DOCK9: variants seen among roughly 807,000 people sequenced by gnomAD.
The protein encoded by DOCK9 is dedicator of cytokinesis protein 9.
A neutral mutation model predicts 263.3 loss-of-function variants in DOCK9; 89 were observed. That is an observed-to-expected ratio of 0.34 (90% confidence interval 0.28 to 0.40). DOCK9 has a LOEUF of 0.40. Among genes scored for constraint, DOCK9 ranks in the 10% least tolerant of loss-of-function variants. DOCK9 has a pLI of 1.00. For missense variants in DOCK9, 2,140 were observed against 2,603.4 expected (o/e 0.82, Z 3.87); for synonymous variants, 976 against 973.1 (o/e 1.00, Z -0.06).
intron 45 of DOCK9, among the ~76,000 whole-genome samples, chr13:98,822,773 T>C (rs1377860654): frequency 2.0e-5 from 3 of 152,218 alleles, no homozygotes; most frequent in Admixed American, 6.5e-5. Context: ...ATCTATTTCT[T>C]TTTTTGTAGG....
At chr13:98,997,326 A>G (rs1881288482) in intron 1 of DOCK9, among the ~76,000 whole-genome samples, 1 of 152,226 alleles carries the variant, frequency 6.6e-6, no homozygotes, top group Non-Finnish European at 1.5e-5. Context: ...AGAGGCAAAC[A>G]ATAAGAAAAC....
chr13:98,967,000 C>A (rs930088535), intron 1 of DOCK9, among the ~76,000 whole-genome samples: 1 of 152,240 alleles, frequency 6.6e-6, no homozygotes, highest in Non-Finnish European at 1.5e-5. Flanking sequence ...TCTGTGTTAA[C>A]AAGCCCTTCA....
chr13:98,855,772 G>A, intron 34 of DOCK9, 126 bp downstream of exon 34: 2 of 1,115,144 alleles, frequency 1.8e-6, no homozygotes, highest in South Asian at 3.0e-5. Flanking sequence ...CCTACTCCAG[G>A]TCAGCCGGGT....
At chr13:99,053,286 G>A (rs2040784724) in intron 1 of DOCK9, among the ~76,000 whole-genome samples, 1 of 152,122 alleles carries the variant, frequency 6.6e-6, no homozygotes, top group African/African-American at 2.4e-5. Flanking sequence ...CAAATTTGCA[G>A]GAGAGCAAAG....
intron 1 of DOCK9, among the ~76,000 whole-genome samples, chr13:98,960,362 C>T (rs1469690180): frequency 6.6e-6 from 1 of 152,176 alleles, no homozygotes; most frequent in African/African-American, 2.4e-5. Context: ...GCCTGGCTGA[C>T]TCCCAAGCCT....
At position 98,896,545 on chromosome 13, in the gene DOCK9, C is replaced by T. The variant is rs2047470322; in HGVS notation, c.1709+943G>A. ...CATAGAATAGTTAGCATTTGGCTCT[C>T]AGCTATTCTTTTCACTTCACATCTT... On this transcript the variant is annotated intron_variant, in intron 15 of 52. Transcript: ENST00000682017. Among the ~76,000 whole-genome samples the T allele has an allele frequency of 4.6e-5, 7 of 151,984 alleles. 1 individual carries two copies. In the Middle Eastern group the frequency reaches 0.014, roughly 295 times the overall value.
At chr13:98,906,012 C>A (rs1383186306) in intron 9 of DOCK9, among the ~76,000 whole-genome samples, 1 of 152,182 alleles carries the variant, frequency 6.6e-6, no homozygotes, top group Admixed American at 6.5e-5. Context: ...CTAGCTTGGG[C>A]AGCCTGCTGA....
At chr13:98,933,474 A>G (rs1222054548) in intron 2 of DOCK9, among the ~76,000 whole-genome samples, 3 of 152,212 alleles carry the variant, frequency 2.0e-5, no homozygotes, top group African/African-American at 7.2e-5. Flanking sequence ...TTTAACAGAT[A>G]AGATAGCATG....
At chr13:98,892,295 A>C (rs1165331925) in intron 15 of DOCK9, among the ~76,000 whole-genome samples, 1 of 152,124 alleles carries the variant, frequency 6.6e-6, no homozygotes, top group Admixed American at 6.6e-5. Flanking sequence ...GGTATCATCA[A>C]CTAGCAGTCC....
intron 1 of DOCK9, among the ~76,000 whole-genome samples, chr13:99,019,090 A>C (rs1301733645): frequency 6.6e-6 from 1 of 152,132 alleles, no homozygotes; most frequent in Non-Finnish European, 1.5e-5. Context: ...CCACTACACG[A>C]ATGGCCCGAA....
At chr13:98,853,306 A>C (rs1199230072) in intron 35 of DOCK9, 102 bp downstream of exon 35, 4 of 716,928 alleles carry the variant, frequency 5.6e-6, no homozygotes, top group African/African-American at 5.4e-5. Context: ...TAAACAAGAA[A>C]ATCCTTTGAA....
rs376869862 is a variant in DOCK9 at position 99,006,360 on chromosome 13, C to G, written c.130-50809G>C. On this transcript the variant is annotated intron_variant, in intron 1 of 32. Coordinates refer to the DOCK9 transcript ENST00000427887. ...TCTTCGCAAGTTCACTTTTATAAAT[C>G]TAGCCTACAAAAATAACTATAGATC... Among the ~76,000 whole-genome samples the G allele has an allele frequency of 3.9e-4, 60 of 151,922 alleles. 2 individuals are homozygous for G. The highest frequency in any genetic ancestry group is 1.4e-3 in the African/African-American group (59 of 41,408).
At chr13:98,910,279 G>A (rs1305257480) in intron 9 of DOCK9, among the ~76,000 whole-genome samples, 1 of 152,128 alleles carries the variant, frequency 6.6e-6, no homozygotes, top group Non-Finnish European at 1.5e-5. Flanking sequence ...TTGAACTACG[G>A]TTTGTGTATC....
At chr13:98,887,108 AG>A (rs2045821502) in intron 18 of DOCK9, among the ~76,000 whole-genome samples, 1 of 131,434 alleles carries the variant, frequency 7.6e-6, no homozygotes, top group African/African-American at 2.7e-5. Context: ...GAATTTCTTG[AG>A]GACAGATACT....
intron 1 of DOCK9, among the ~76,000 whole-genome samples, chr13:99,030,861 T>C (rs185500403): frequency 4.6e-5 from 7 of 152,348 alleles, no homozygotes; most frequent in Admixed American, 3.3e-4. Context: ...CACACTAATG[T>C]TACCATTCAA....
At chr13:99,008,210 CTCTA>C (rs1176703820) in intron 1 of DOCK9, among the ~76,000 whole-genome samples, 43 of 72,668 alleles carry the variant, frequency 5.9e-4, no homozygotes, top group East Asian at 2.2e-3. Context: ...CTCTCTCTCT[CTCTA>C]TATATATATA....
chr13:99,017,846 C>T (rs1019875076), intron 1 of DOCK9, among the ~76,000 whole-genome samples: 5 of 152,072 alleles, frequency 3.3e-5, no homozygotes, highest in East Asian at 1.9e-4. Flanking sequence ...CTGAGGGCTG[C>T]GGGTAGGACA....
intron 21 of DOCK9, 30 bp downstream of exon 21, chr13:98,884,941 G>C (rs757746436): frequency 1.9e-6 from 3 of 1,599,460 alleles, no homozygotes; most frequent in Non-Finnish European, 2.6e-6. Flanking sequence ...TGAAGAAATT[G>C]GGATGACCCA....
intron 1 of DOCK9, among the ~76,000 whole-genome samples, chr13:98,984,609 G>C (rs753068119): frequency 2.0e-5 from 3 of 152,158 alleles, no homozygotes; most frequent in African/African-American, 4.8e-5. Context: ...TCTATATTCT[G>C]CAAGTTTTCT....
Sources: gnomAD v4.1 joint callset for allele counts (sites outside exome capture counted in the v4.1 genomes callset) on GRCh38, gnomAD v4.1.1 for gene constraint, MANE v1.5 for transcripts, NCBI Gene and HGNC (gene_info 2026-07-23, HGNC 2026-07-21) for gene names.